The following GRHL1 variants were observed in gnomAD, a reference collection of about 807,000 sequenced individuals.
GRHL1 encodes grainyhead like transcription factor 1.
A neutral mutation model predicts 75.7 loss-of-function variants in GRHL1; 38 were observed. The observed-to-expected ratio is 0.50, with a 90% CI of 0.39 to 0.66. GRHL1 has a LOEUF of 0.66. GRHL1 is among the 30% of genes least tolerant of loss of function. The probability of loss-of-function intolerance (pLI) is 0.00; values close to 1 mark genes in which losing one functional copy is unlikely to be tolerated. For synonymous variants in GRHL1, 266 were observed against 279.4 expected (o/e 0.95, Z 0.48); for missense variants, 589 against 767.5 (o/e 0.77, Z 2.75).
rs112603103 is a variant in GRHL1 at position 9,957,555 on chromosome 2, G to A, written c.208-1231G>A. Among the ~76,000 whole-genome samples, 1,405 of 152,148 alleles carry A rather than the reference G, an allele frequency of 9.2e-3. 33 individuals are homozygous for A. The highest frequency in any genetic ancestry group is 0.033 in the African/African-American group (1,359 of 41,496). ...CTCCCGAGTAGCTAGGACTGCAGGC[G>A]TGTGCCACCATGCCCAGCTAATTTT... On this transcript the variant is annotated intron_variant, in intron 2 of 15. Transcript: ENST00000324907.
At chr2:9,967,351 C>T (rs552709738) in intron 8 of GRHL1, among the ~76,000 whole-genome samples, 11 of 152,318 alleles carry the variant, frequency 7.2e-5, no homozygotes, top group African/African-American at 1.4e-4. Context: ...ATGGGCAGGG[C>T]GCTTTGTTTG....
At chr2:9,997,118 T>G (rs1668898499) in intron 14 of GRHL1, among the ~76,000 whole-genome samples, 1 of 152,214 alleles carries the variant, frequency 6.6e-6, no homozygotes. Context: ...CAGCTCCCTC[T>G]GATGACTGTA....
At chr2:9,964,937 AC>A (rs1316479964) in intron 7 of GRHL1, 1 of 208,130 alleles carries the variant, frequency 4.8e-6, no homozygotes, top group Non-Finnish European at 9.5e-6. Context: ...TTTTTTCTTT[AC>A]CTTTTGTAAT....
Position 9,990,692 on chromosome 2 carries a change from A to G in GRHL1, c.1270-4A>G. 6.3e-7 allele frequency: 1 copy of G among 1,599,878 alleles called. No homozygotes were observed. Among genetic ancestry groups the G allele is most frequent in the Non-Finnish European group, 8.6e-7 (1 of 1,168,256 alleles). On this transcript the variant is annotated splice_polypyrimidine_tract_variant and splice_region_variant and intron_variant, in intron 9 of 15. Transcript: ENST00000324907. The surrounding 1 kb of genome is among the most constrained non-coding windows in gnomAD (Gnocchi z 4.2). ...ATCATATCTTGTCTTCTCTTAACCT[A>G]CAGGGAGCTGAGCGGAAAATCAGGG...
At chr2:9,967,409 G>A (rs115193091) in intron 8 of GRHL1, among the ~76,000 whole-genome samples, 2,340 of 152,334 alleles carry the variant, frequency 0.015, 27 homozygotes, top group Non-Finnish European at 0.025. Context: ...CCAAGATGAC[G>A]GGTAGGGATA....
At chr2:9,993,715 C>T (rs12472800) in intron 12 of GRHL1, among the ~76,000 whole-genome samples, 28,439 of 152,138 alleles carry the variant, frequency 0.19, 2,997 homozygotes, top group Admixed American at 0.29. Flanking sequence ...CTGGGTTCTC[C>T]GTGTGTCCTA....
At chr2:9,953,484 C>G (rs1666887483) in intron 1 of GRHL1, among the ~76,000 whole-genome samples, 2 of 152,178 alleles carry the variant, frequency 1.3e-5, no homozygotes, top group Admixed American at 6.5e-5. Context: ...GACAAATGAT[C>G]TGCTGGCTTT....
chr2:9,973,113 T>G lies in GRHL1; in HGVS notation c.1110+7732T>G, dbSNP rs1411176748. On this transcript the variant is annotated intron_variant, in intron 8 of 15. Coordinates refer to ENST00000324907, the MANE Select transcript of GRHL1 (RefSeq NM_198182.3). ...GCCCGCCTCCTGCCAATTCTTTTTCTTTTCCCTTGATGGTGATTGGATAGC... is the reference window on the plus strand; with the variant it reads ...GCCCGCCTCCTGCCAATTCTTTTTCGTTTCCCTTGATGGTGATTGGATAGC... 4.6e-5 allele frequency among the ~76,000 whole-genome samples: 7 copies of G among 152,326 alleles called. No homozygotes were observed. The East Asian group carries it at 1.4e-3, about 29-fold the overall frequency.
intron 8 of GRHL1, among the ~76,000 whole-genome samples, chr2:9,985,449 T>C (rs1191227362): frequency 1.3e-5 from 2 of 152,244 alleles, no homozygotes; most frequent in African/African-American, 2.4e-5. Flanking sequence ...TAAAAGACCC[T>C]TGCACTGATA....
At chr2:9,978,508 T>G (rs1668047896) in intron 8 of GRHL1, among the ~76,000 whole-genome samples, 1 of 152,310 alleles carries the variant, frequency 6.6e-6, no homozygotes, top group South Asian at 2.1e-4. Context: ...GAGCTGGATT[T>G]TGGAAGGCCT....
intron 13 of GRHL1, 49 bp from the exon 14 acceptor site, chr2:9,996,267 T>C (rs1429949232): frequency 3.0e-6 from 4 of 1,337,640 alleles, no homozygotes; most frequent in Non-Finnish European, 4.3e-6. Context: ...AACTGTATCC[T>C]TTTTTTCCTC....
rs149743444 is a variant in GRHL1 at position 9,993,213 on chromosome 2, C to G, written c.1468C>G (p.Pro490Ala). Reference sequence around the variant, plus strand: ...TCTATTCCTTTGGTCTTAGGTCCTTCCCATTGCCTCTGAAGAATTGGAGGG... The same window carrying G: ...TCTATTCCTTTGGTCTTAGGTCCTTGCCATTGCCTCTGAAGAATTGGAGGG... ...ANLQRGTHVL[P>A]IASEELEGEG... The change falls in exon 12 of 16, where the codon CCC becomes GCC. Residue 490 changes from proline (P) to alanine (A), a missense_variant. By Grantham distance (27) the Pro-to-Ala change is conservative. Coordinates refer to ENST00000324907, the MANE Select transcript of GRHL1 (RefSeq NM_198182.3). 12 of 1,609,640 alleles carry G rather than the reference C, an allele frequency of 7.5e-6. No homozygotes were observed. The highest frequency in any genetic ancestry group is 9.4e-6 in the Non-Finnish European group (11 of 1,176,010).
intron 2 of GRHL1, 73 bp from the exon 3 acceptor site, chr2:9,958,713 A>G: frequency 3.5e-6 from 4 of 1,127,872 alleles, no homozygotes; most frequent in Non-Finnish European, 5.4e-6. Flanking sequence ...CTGAAAAATA[A>G]AAGGCTGTAT....
rs943117559 is a variant in GRHL1, at chr2:9,982,681, C to T, written c.1111-3443C>T. ...GATCTTCATTTCCAACAAGTTCCCT[C>T]GTGCTGATGCTCCTGGCATCACACT... On this transcript the variant is annotated intron_variant, in intron 8 of 15. Coordinates refer to ENST00000324907, the MANE Select transcript of GRHL1 (RefSeq NM_198182.3). 3.3e-5 allele frequency among the ~76,000 whole-genome samples: 5 copies of T among 152,300 alleles called. No individual in the cohort carries two copies. The East Asian group carries it at 7.7e-4, about 23-fold the overall frequency.
rs1669230001 is a variant in GRHL1, at chr2:10,000,675, G to A, written c.1825G>A (p.Gly609Arg). 2 of 1,610,064 alleles carry A rather than the reference G, an allele frequency of 1.2e-6. No individual in the cohort carries two copies. Among genetic ancestry groups the A allele is most frequent in the Non-Finnish European group, 1.7e-6 (2 of 1,176,414 alleles). The change falls in exon 16 of 16, where the codon GGG becomes AGG. Residue 609 changes from glycine to arginine, a missense_variant. Gly to Arg is a moderately radical substitution (Grantham distance 125, BLOSUM62 -2). This residue lies in a region of GRHL1 where 192 missense variants were observed against 226.6 expected (regional missense o/e 0.85). Transcript: ENST00000324907. ...CCAGCTGCAGATTGAAGAAGCCGGG[G>A]GGTCTTACAAGCTCACCCTGACGGA... ...TFQLQIEEAGGSYKLTLTEI is the reference protein window; with the variant it reads ...TFQLQIEEAGRSYKLTLTEI
intron 8 of GRHL1, among the ~76,000 whole-genome samples, chr2:9,983,354 T>C (rs969937861): frequency 3.9e-5 from 6 of 152,168 alleles, no homozygotes; most frequent in African/African-American, 1.4e-4. Context: ...CTTTCTTTAA[T>C]ACATTTAGAA....
At chr2:9,970,030 A>T (rs4613247) in intron 8 of GRHL1, among the ~76,000 whole-genome samples, 2,658 of 151,926 alleles carry the variant, frequency 0.017, 30 homozygotes, top group Non-Finnish European at 0.025. Context: ...TTTTTAGTAG[A>T]GACGGGGTTT....
At chr2:9,994,362 C>T (rs1223080236) in intron 12 of GRHL1, among the ~76,000 whole-genome samples, 1 of 146,602 alleles carries the variant, frequency 6.8e-6, no homozygotes, top group Non-Finnish European at 1.5e-5. Flanking sequence ...TGTAGAGATC[C>T]TGGTCTCAGG....
In GRHL1 at chr2:9,967,085, T is replaced by C. The variant is rs75447651; in HGVS notation, c.1110+1704T>C. On this transcript the variant is annotated intron_variant, in intron 8 of 15. Coordinates refer to ENST00000324907, the MANE Select transcript of GRHL1 (RefSeq NM_198182.3). Reference sequence around the variant, plus strand: ...CTTTTATTCTTAAAGCAAACTGGAGTGTTACTTGCTGTTTGCCATTGGGGC... The same window carrying C: ...CTTTTATTCTTAAAGCAAACTGGAGCGTTACTTGCTGTTTGCCATTGGGGC... Among the ~76,000 whole-genome samples, 1,153 of 152,198 alleles carry C rather than the reference T, an allele frequency of 7.6e-3. 13 individuals are homozygous for C. The highest frequency in any genetic ancestry group is 0.026 in the African/African-American group (1,064 of 41,522).
Sources: gnomAD v4.1 joint callset for allele counts (sites outside exome capture counted in the v4.1 genomes callset) on GRCh38, gnomAD v4.1.1 for gene constraint, gnomAD v4.1.1 regional missense constraint, Gnocchi (gnomAD v3.1) non-coding constraint, MANE v1.5 for transcripts, NCBI Gene and HGNC (gene_info 2026-07-23, HGNC 2026-07-21) for gene names.